The following STK3 variants were observed in gnomAD, a reference collection of about 807,000 sequenced individuals.
STK3 encodes the protein serine/threonine-protein kinase 3.
A neutral mutation model predicts 58.0 loss-of-function variants in STK3; 41 were observed. The observed-to-expected ratio is 0.71, with a 90% CI of 0.55 to 0.92. The LOEUF is 0.92. Among genes scored for constraint, STK3 ranks in the 40% least tolerant of loss-of-function variants. The probability of loss-of-function intolerance (pLI) is 0.00; values close to 1 mark genes in which losing one functional copy is unlikely to be tolerated. For synonymous variants in STK3, 170 were observed against 191.0 expected, an observed-to-expected ratio of 0.89 and a Z score of 0.91; for missense variants, 479 against 602.7, an observed-to-expected ratio of 0.79 and a Z score of 2.15.
At chr8:98,435,735 A>G (rs1818462549) in intron 2 of STK3, among the ~76,000 whole-genome samples, 1 of 152,136 alleles carries the variant, frequency 6.6e-6, no homozygotes, top group East Asian at 1.9e-4. Context: ...GGGAATACTC[A>G]GAGCCATGTT....
intron 1 of STK3, among the ~76,000 whole-genome samples, chr8:98,794,821 A>G (rs1445810356): frequency 6.6e-6 from 1 of 151,930 alleles, no homozygotes; most frequent in African/African-American, 2.4e-5. Flanking sequence ...TAATCCCAGC[A>G]CTTTGGGAGC....
chr8:98,712,721 T>C (rs1826591123), intron 4 of STK3, among the ~76,000 whole-genome samples: 1 of 152,072 alleles, frequency 6.6e-6, no homozygotes, highest in African/African-American at 2.4e-5. Flanking sequence ...ATTAGACAGA[T>C]CAACAAGACA....
chr8:98,589,459 A>T (rs2129848987), intron 7 of STK3, among the ~76,000 whole-genome samples: 1 of 152,336 alleles, frequency 6.6e-6, no homozygotes, highest in Non-Finnish European at 1.5e-5. Flanking sequence ...GCCCCTTCTC[A>T]GATCTCCAGC....
At chr8:98,918,007 A>G (rs1358205919) in intron 1 of STK3, among the ~76,000 whole-genome samples, 1 of 152,214 alleles carries the variant, frequency 6.6e-6, no homozygotes, top group East Asian at 1.9e-4. Flanking sequence ...TGCTTTCTAT[A>G]GGGCAGACAT....
At chr8:98,366,588 A>G (rs1817566755), downstream of STK3, among the ~76,000 whole-genome samples, 1 of 152,220 alleles carries the variant, frequency 6.6e-6, no homozygotes, top group African/African-American at 2.4e-5. Context: ...CAACATACTT[A>G]TTGAATGGTT....
chr8:98,595,990 G>A (rs1391155347), intron 7 of STK3, 42 bp downstream of exon 7: 4 of 1,592,038 alleles, frequency 2.5e-6, no homozygotes, highest in Non-Finnish European at 3.4e-6. Flanking sequence ...AAGCTGAAAG[G>A]TATGAAGAAA....
At position 98,558,822 on chromosome 8, in the gene STK3, T is replaced by C. The variant is rs191091597; in HGVS notation, c.949-10661A>G. ...TAATACATAAATTGTATTTTTATTG[T>C]TTAAATTTTAACAACAGAAATATCA... On this transcript the variant is annotated intron_variant, in intron 8 of 10. Coordinates refer to ENST00000419617, the MANE Select transcript of STK3 (RefSeq NM_006281.4). 7.9e-4 allele frequency among the ~76,000 whole-genome samples: 121 copies of C among 152,236 alleles called. 2 individuals carry two copies. The highest frequency in any genetic ancestry group is 2.7e-3 in the African/African-American group (114 of 41,568).
intron 1 of STK3, among the ~76,000 whole-genome samples, chr8:98,922,939 G>A (rs1031288860): frequency 6.6e-6 from 1 of 152,044 alleles, no homozygotes; most frequent in Admixed American, 6.6e-5. Flanking sequence ...ATGAAATATG[G>A]AAACTATTTT....
At chr8:98,827,071 C>T (rs1835341350), upstream of STK3, among the ~76,000 whole-genome samples, 1 of 135,460 alleles carries the variant, frequency 7.4e-6, no homozygotes, top group Admixed American at 7.5e-5. Context: ...CGCGGTGGCT[C>T]ACGCCTGTAA....
At chr8:98,687,829 T>A (rs72666682) in intron 6 of STK3, among the ~76,000 whole-genome samples, 1 of 152,068 alleles carries the variant, frequency 6.6e-6, no homozygotes, top group South Asian at 2.1e-4. Flanking sequence ...AAAGCACACG[T>A]AAAGCACATA....
intron 1 of STK3, among the ~76,000 whole-genome samples, chr8:98,818,581 T>C (rs1190395141): frequency 1.3e-5 from 2 of 151,692 alleles, no homozygotes; most frequent in African/African-American, 2.4e-5. Context: ...TGTATCAAGA[T>C]AGCAGAAACA....
At chr8:98,387,022 AG>A (rs1452672013) in intron 1 of STK3, among the ~76,000 whole-genome samples, 4 of 152,250 alleles carry the variant, frequency 2.6e-5, no homozygotes, top group African/African-American at 9.6e-5. Context: ...AAAATTAATT[AG>A]GAAAATGCAA....
At chr8:98,642,561 C>T (rs947645070) in intron 6 of STK3, among the ~76,000 whole-genome samples, 1 of 151,984 alleles carries the variant, frequency 6.6e-6, no homozygotes, top group Non-Finnish European at 1.5e-5. Flanking sequence ...GGTTGTACAC[C>T]ATTTGGCCTG....
chr8:98,856,589 C>T (rs1836694649), intron 3 of STK3, among the ~76,000 whole-genome samples: 1 of 152,180 alleles, frequency 6.6e-6, no homozygotes, highest in Admixed American at 6.5e-5. Flanking sequence ...AATTAGAACT[C>T]TCACACACTA....
chr8:98,559,911 G>C (rs946084566), intron 8 of STK3, among the ~76,000 whole-genome samples: 4 of 152,070 alleles, frequency 2.6e-5, no homozygotes, highest in Non-Finnish European at 5.9e-5. Flanking sequence ...AGAAGAAAGG[G>C]ATAATGTAGC....
chr8:98,905,374 T>C (rs566423176), intron 1 of STK3: 2 of 1,122,500 alleles, frequency 1.8e-6, no homozygotes, highest in African/African-American at 1.5e-5. Flanking sequence ...GGACCATACT[T>C]CTCAAACTTG....
intron 10 of STK3, among the ~76,000 whole-genome samples, chr8:98,483,967 T>C (rs1355767909): frequency 1.3e-5 from 2 of 152,056 alleles, no homozygotes; most frequent in East Asian, 3.9e-4. Flanking sequence ...GCCACCTCTG[T>C]TCAGTGAAAA....
chr8:98,870,048 A>G (rs927149216), intron 3 of STK3, among the ~76,000 whole-genome samples: 2 of 152,042 alleles, frequency 1.3e-5, no homozygotes, highest in East Asian at 1.9e-4. Context: ...CCTGTGTCCA[A>G]GTGTTCTCAT....
chr8:98,565,147 T>G (rs1812372600), intron 8 of STK3, among the ~76,000 whole-genome samples: 1 of 152,170 alleles, frequency 6.6e-6, no homozygotes, highest in Non-Finnish European at 1.5e-5. Flanking sequence ...CATAAGTCAG[T>G]GGTTCTCACC....
Sources: allele counts gnomAD v4.1 joint callset (sites outside exome capture counted in the v4.1 genomes callset), GRCh38; gene constraint gnomAD v4.1.1; transcripts MANE v1.5; gene names NCBI Gene and HGNC (gene_info 2026-07-23, HGNC 2026-07-21).